The following LOC400499 variants were observed in gnomAD, a reference collection of about 807,000 sequenced individuals.
chr16:11,424,639 C>T, the LOC400499 span, among the ~76,000 whole-genome samples: 1 of 152,198 alleles, frequency 6.6e-6, no homozygotes, highest in Admixed American at 6.5e-5. Context: ...TCCAGCTCCC[C>T]GAGGAAAGGA....
chr16:11,473,876 G>A, the LOC400499 span, among the ~76,000 whole-genome samples: 1 of 152,182 alleles, frequency 6.6e-6, no homozygotes, highest in Non-Finnish European at 1.5e-5. Context: ...GCTAGCTAGA[G>A]ACAGAATCCT....
chr16:11,420,681 G>A, the LOC400499 span, among the ~76,000 whole-genome samples: 52 of 140,010 alleles, frequency 3.7e-4, no homozygotes, highest in African/African-American at 1.3e-3. Context: ...ACCCAGGCAT[G>A]AAGGAGCAGG....
chr16:11,405,651 C>T, the LOC400499 span, among the ~76,000 whole-genome samples: 12 of 152,140 alleles, frequency 7.9e-5, no homozygotes, highest in Non-Finnish European at 1.2e-4. Flanking sequence ...TGCTCTTAAA[C>T]GTCTCTAAAA....
the LOC400499 span, among the ~76,000 whole-genome samples, chr16:11,504,809 G>A: frequency 6.6e-6 from 1 of 152,090 alleles, no homozygotes; most frequent in Non-Finnish European, 1.5e-5. Context: ...TGTAATTCCA[G>A]CTATTCAAGA....
At chr16:11,494,210 A>G in the LOC400499 span, among the ~76,000 whole-genome samples, 1 of 144,010 alleles carries the variant, frequency 6.9e-6, no homozygotes, top group Admixed American at 6.8e-5. Flanking sequence ...TGTGAAGGGC[A>G]TTTACCCACC....
chr16:11,515,331 G>A, the LOC400499 span, among the ~76,000 whole-genome samples: 2 of 151,828 alleles, frequency 1.3e-5, no homozygotes, highest in African/African-American at 2.4e-5. Flanking sequence ...CCTTGTGCCT[G>A]TAGTCCCAGC....
At chr16:11,379,330 T>A in the LOC400499 span, among the ~76,000 whole-genome samples, 1 of 152,244 alleles carries the variant, frequency 6.6e-6, no homozygotes, top group African/African-American at 2.4e-5. Context: ...AGTGTTTGCT[T>A]AATATATTTA....
chr16:11,455,355 A>G, the LOC400499 span, among the ~76,000 whole-genome samples: 1 of 152,210 alleles, frequency 6.6e-6, no homozygotes, highest in Non-Finnish European at 1.5e-5. Flanking sequence ...AAGAAATAAC[A>G]GCATGATTAT....
chr16:11,390,663 C>G, the LOC400499 span, among the ~76,000 whole-genome samples: 45 of 152,338 alleles, frequency 3.0e-4, no homozygotes, highest in African/African-American at 1.1e-3. Context: ...TCTGCAAGGC[C>G]TGCTTATAAG....
At chr16:11,487,096 T>C in the LOC400499 span, among the ~76,000 whole-genome samples, 1 of 151,628 alleles carries the variant, frequency 6.6e-6, no homozygotes, top group Non-Finnish European at 1.5e-5. Context: ...GGTGAATTGA[T>C]AGATGTATGG....
chr16:11,382,887 G>GGGAATCCATTTACAGTGATAT, the LOC400499 span, among the ~76,000 whole-genome samples: 5 of 152,100 alleles, frequency 3.3e-5, no homozygotes. Flanking sequence ...GTAGGGGGTA[G>GGGAATCCATTTACAGTGATAT]GGAATCCATT....
At chr16:11,390,259 C>G in the LOC400499 span, 2 of 1,232,754 alleles carry the variant, frequency 1.6e-6, no homozygotes, top group Admixed American at 8.4e-5. Flanking sequence ...GCCAACTACG[C>G]CCCATCCTTG....
At chr16:11,517,342 G>T in the LOC400499 span, among the ~76,000 whole-genome samples, 1 of 152,048 alleles carries the variant, frequency 6.6e-6, no homozygotes, top group African/African-American at 2.4e-5. Context: ...ATGCCCCTGT[G>T]CATATAAAAA....
chr16:11,392,381 G>T, the LOC400499 span: 1 of 398,972 alleles, frequency 2.5e-6, no homozygotes, highest in Non-Finnish European at 4.4e-6. Context: ...CTGGTTGGCA[G>T]CCTGCAGGGT....
chr16:11,485,118 AG>A, the LOC400499 span: 3 of 398,798 alleles, frequency 7.5e-6, no homozygotes, highest in African/African-American at 6.2e-5. Context: ...ATTCAGTCAC[AG>A]GGGTGATGAT....
chr16:11,485,022 T>A, the LOC400499 span: 1 of 399,044 alleles, frequency 2.5e-6, no homozygotes, highest in Non-Finnish European at 4.4e-6. Context: ...AATGACTTCC[T>A]GCCAAACAGC....
chr16:11,454,559 A>G, the LOC400499 span, among the ~76,000 whole-genome samples: 99 of 152,336 alleles, frequency 6.5e-4, no homozygotes, highest in East Asian at 0.012. Context: ...AAGCCAAGGA[A>G]CACCAAGCTT....
At chr16:11,435,705 T>A in the LOC400499 span, 14 of 399,102 alleles carry the variant, frequency 3.5e-5, no homozygotes, top group Non-Finnish European at 4.9e-5. Flanking sequence ...CGAACAGCCC[T>A]GGGGGCACTG....
the LOC400499 span, chr16:11,384,988 C>G: frequency 0.096 from 118,060 of 1,232,016 alleles, 5,912 homozygotes; most frequent in Middle Eastern, 0.15. Context: ...TGGAGACGTC[C>G]TTCCTTGTCG....
Sources: allele counts gnomAD v4.1 joint callset (sites outside exome capture counted in the v4.1 genomes callset), GRCh38; gene constraint gnomAD v4.1.1; transcripts MANE v1.5.